The following CPQ variants were observed in gnomAD, a reference collection of about 807,000 sequenced individuals.
CPQ encodes the protein carboxypeptidase Q.
A neutral mutation model predicts 45.7 loss-of-function variants in CPQ; 37 were observed. The observed-to-expected ratio is 0.81, with a 90% CI of 0.62 to 1.07. The LOEUF (loss-of-function observed/expected upper bound fraction) is 1.07, where lower values mean the gene tolerates loss of function less well. CPQ is among the 50% of genes least tolerant of loss of function. The pLI, the probability that CPQ is intolerant of heterozygous loss-of-function variation, is 0.00. For missense variants in CPQ, 537 were observed against 572.9 expected (o/e 0.94, Z 0.64); for synonymous variants, 186 against 205.8 (o/e 0.90, Z 0.82).
At chr8:97,031,502 A>G (rs560955488) in intron 6 of CPQ, among the ~76,000 whole-genome samples, 2 of 152,198 alleles carry the variant, frequency 1.3e-5, no homozygotes, top group South Asian at 4.1e-4. Flanking sequence ...TCAGTAATAC[A>G]CTCTACTCCA....
At chr8:96,905,491 A>T (rs1016003054) in intron 4 of CPQ, among the ~76,000 whole-genome samples, 2 of 152,174 alleles carry the variant, frequency 1.3e-5, no homozygotes, top group African/African-American at 2.4e-5. Flanking sequence ...TGTCTCCCAC[A>T]TTATAGCATT....
At chr8:97,138,295 A>G (rs1812098525) in intron 7 of CPQ, among the ~76,000 whole-genome samples, 1 of 152,136 alleles carries the variant, frequency 6.6e-6, no homozygotes, top group Non-Finnish European at 1.5e-5. Flanking sequence ...CTGTGCCTAT[A>G]TCTGTCTGTT....
intron 4 of CPQ, among the ~76,000 whole-genome samples, chr8:96,899,096 A>T (rs1156886548): frequency 6.6e-6 from 1 of 152,192 alleles, no homozygotes; most frequent in African/African-American, 2.4e-5. Context: ...AAGAATTTAT[A>T]TTCTAGTTGA....
At chr8:96,797,990 G>A (rs1317436568) in intron 2 of CPQ, among the ~76,000 whole-genome samples, 11 of 151,748 alleles carry the variant, frequency 7.2e-5, no homozygotes, top group African/African-American at 2.7e-4. Flanking sequence ...GGTGGAGTTT[G>A]CAGTGAGCCT....
At chr8:97,019,358 G>C (rs145625629) in intron 5 of CPQ, among the ~76,000 whole-genome samples, 185 of 152,294 alleles carry the variant, frequency 1.2e-3, no homozygotes, top group Middle Eastern at 0.01. Flanking sequence ...ATAGCATGAT[G>C]AATGGAATGG....
chr8:96,828,793 T>A (rs1197296020), intron 2 of CPQ, among the ~76,000 whole-genome samples: 1 of 152,084 alleles, frequency 6.6e-6, no homozygotes, highest in East Asian at 1.9e-4. Context: ...AAACAAGTTG[T>A]TTTTGGAAAA....
rs148055562 is a variant in CPQ, at chr8:96,759,135, C to G, written c.-34-25729C>G. ...GGAAAGAATATGCCACCTGTCTTGT[C>G]TCCTGGGACCATGCCAATAAGTGTG... On this transcript the variant is annotated intron_variant, in intron 1 of 7. Transcript: ENST00000220763. Among the ~76,000 whole-genome samples the G allele has an allele frequency of 3.3e-3, 504 of 152,292 alleles. 7 individuals are homozygous for G. Among genetic ancestry groups the G allele is most frequent in the African/African-American group, 0.012 (479 of 41,558 alleles).
At chr8:96,647,431 T>G (rs1311191148) in intron 1 of CPQ, among the ~76,000 whole-genome samples, 2 of 152,208 alleles carry the variant, frequency 1.3e-5, no homozygotes, top group South Asian at 4.1e-4. Flanking sequence ...TTTACTTATA[T>G]TGCCCCATTT....
chr8:97,070,277 C>T (rs557213076), intron 7 of CPQ, among the ~76,000 whole-genome samples: 6 of 152,198 alleles, frequency 3.9e-5, no homozygotes, highest in Non-Finnish European at 5.9e-5. Context: ...AAATTTCTAA[C>T]GCGCTTCAAG....
At chr8:96,888,768 A>G (rs1447505739) in intron 4 of CPQ, among the ~76,000 whole-genome samples, 2 of 152,232 alleles carry the variant, frequency 1.3e-5, no homozygotes, top group African/African-American at 2.4e-5. Flanking sequence ...GTATCTTAAC[A>G]TAAAACATTT....
At chr8:96,740,384 G>C (rs924991450) in intron 1 of CPQ, among the ~76,000 whole-genome samples, 2 of 152,038 alleles carry the variant, frequency 1.3e-5, no homozygotes, top group Non-Finnish European at 2.9e-5. Context: ...GGGTTTTCTA[G>C]ATATACAATC....
rs370361406 is a variant in CPQ, at chr8:97,031,081, C to T, written c.1053+1587C>T. Among the ~76,000 whole-genome samples the T allele has an allele frequency of 1.1e-3, 160 of 151,806 alleles. 2 individuals are homozygous for T. Among genetic ancestry groups the T allele is most frequent in the South Asian group, 7.5e-3 (36 of 4,802 alleles). Reference sequence around the variant, plus strand: ...AACATATGAATCATATTTAGACGTGCGGACTTTATCCTCGAGGCAAGAGAG... The same window carrying T: ...AACATATGAATCATATTTAGACGTGTGGACTTTATCCTCGAGGCAAGAGAG... On this transcript the variant is annotated intron_variant, in intron 6 of 7. Transcript: ENST00000220763.
chr8:96,942,877 C>T (rs528719774), intron 4 of CPQ, among the ~76,000 whole-genome samples: 3 of 152,280 alleles, frequency 2.0e-5, no homozygotes, highest in South Asian at 4.1e-4. Flanking sequence ...TGTCATTCTT[C>T]CCTTTGGCTC....
intron 1 of CPQ, among the ~76,000 whole-genome samples, chr8:96,752,942 C>T (rs1486971620): frequency 6.6e-6 from 1 of 152,022 alleles, no homozygotes; most frequent in South Asian, 2.1e-4. Flanking sequence ...GTCATTCCAC[C>T]ATTTTATTCT....
intron 4 of CPQ, among the ~76,000 whole-genome samples, chr8:96,935,672 T>G (rs1376044948): frequency 1.3e-5 from 2 of 152,156 alleles, no homozygotes; most frequent in South Asian, 4.1e-4. Context: ...GAGTATAACA[T>G]GGAAATTTGG....
intron 1 of CPQ, among the ~76,000 whole-genome samples, chr8:96,784,421 A>C (rs898826546): frequency 6.6e-6 from 1 of 151,514 alleles, no homozygotes; most frequent in African/African-American, 2.4e-5. Context: ...TGGTAAAATT[A>C]TCAAAAACAG....
intron 7 of CPQ, among the ~76,000 whole-genome samples, chr8:97,122,966 TA>T (rs1208230999): frequency 8.7e-5 from 5 of 57,394 alleles, no homozygotes; most frequent in South Asian, 5.3e-4. Flanking sequence ...TAAAATAAAA[TA>T]AAATAAAATA....
At chr8:96,804,545 G>GT (rs922485135) in intron 2 of CPQ, among the ~76,000 whole-genome samples, 94 of 147,282 alleles carry the variant, frequency 6.4e-4, no homozygotes, top group East Asian at 4.4e-3. Context: ...ATTCCTAAAA[G>GT]TTTTTTTTTT....
chr8:96,719,852 T>C (rs766792892), intron 1 of CPQ, among the ~76,000 whole-genome samples: 5 of 152,300 alleles, frequency 3.3e-5, no homozygotes, highest in Middle Eastern at 3.4e-3. Context: ...TCCCCTGTGC[T>C]TGGGTTGCCA....
Sources: allele counts gnomAD v4.1 joint callset (sites outside exome capture counted in the v4.1 genomes callset), GRCh38; gene constraint gnomAD v4.1.1; transcripts MANE v1.5; gene names NCBI Gene and HGNC (gene_info 2026-07-23, HGNC 2026-07-21).